The following PTPRG variants were observed in gnomAD, a reference collection of about 807,000 sequenced individuals.
PTPRG encodes protein tyrosine phosphatase receptor type G.
Under a neutral mutation model 165.3 loss-of-function variants are expected in PTPRG, and 102 were observed. That is an observed-to-expected ratio of 0.62 (90% CI 0.53 to 0.73). PTPRG has a LOEUF of 0.73. Ranked by LOEUF, PTPRG falls within the 30% of genes least tolerant of loss-of-function variation. The pLI, the probability that PTPRG is intolerant of heterozygous loss-of-function variation, is 0.00. For missense variants in PTPRG, 1,866 were observed against 1,861.4 expected, an observed-to-expected ratio of 1.00 and a Z score of -0.05; for synonymous variants, 675 against 669.5, an observed-to-expected ratio of 1.01 and a Z score of -0.13.
chr3:62,278,553 A>C (rs116356398), intron 26 of PTPRG, among the ~76,000 whole-genome samples: 3 of 152,074 alleles, frequency 2.0e-5, no homozygotes, highest in African/African-American at 7.2e-5. Flanking sequence ...AAAAACAAAA[A>C]ACAGTGAGGA....
chr3:62,248,626 C>A (rs966661825), intron 15 of PTPRG, among the ~76,000 whole-genome samples: 12 of 152,090 alleles, frequency 7.9e-5, no homozygotes, highest in African/African-American at 2.7e-4. Flanking sequence ...TTATATTATT[C>A]TTTTAGGCTT....
rs2106789499 is a variant in PTPRG, at chr3:62,186,042, A to G, written c.1034-5427A>G. On this transcript the variant is annotated intron_variant, in intron 8 of 29. Transcript: ENST00000474889. ...AAGGGTTTCCATCACTTAAAGAGCA[A>G]GCAGAACTTTGGAAGCACAAGGCAC... Among the ~76,000 whole-genome samples, 3 of 152,276 alleles carry G rather than the reference A, an allele frequency of 2.0e-5. No individual in the cohort carries two copies. In the South Asian group the frequency reaches 6.2e-4, roughly 32 times the overall value.
chr3:61,939,664 C>T (rs1173388088), intron 2 of PTPRG, among the ~76,000 whole-genome samples: 1 of 152,130 alleles, frequency 6.6e-6, no homozygotes, highest in African/African-American at 2.4e-5. Context: ...TATTCTCCTG[C>T]ATTGATCCAA....
At chr3:62,138,578 A>G (rs1703802741) in intron 6 of PTPRG, among the ~76,000 whole-genome samples, 1 of 151,980 alleles carries the variant, frequency 6.6e-6, no homozygotes, top group Non-Finnish European at 1.5e-5. Flanking sequence ...AATTAGCCAG[A>G]CATGGTGGCA....
intron 5 of PTPRG, among the ~76,000 whole-genome samples, chr3:62,113,277 G>A (rs969356346): frequency 6.6e-6 from 1 of 152,158 alleles, no homozygotes; most frequent in Non-Finnish European, 1.5e-5. Context: ...GAGGAGTCCA[G>A]CTGTGGTTTG....
intron 1 of PTPRG, among the ~76,000 whole-genome samples, chr3:61,657,328 T>C (rs1243510702): frequency 1.3e-5 from 2 of 152,120 alleles, no homozygotes; most frequent in Non-Finnish European, 2.9e-5. Context: ...TTAAGTTTTA[T>C]AACCAGTTTC....
chr3:61,963,558 C>A (rs528137504), intron 2 of PTPRG, among the ~76,000 whole-genome samples: 5 of 152,230 alleles, frequency 3.3e-5, no homozygotes, highest in East Asian at 3.9e-4. Flanking sequence ...TAAGTACTTA[C>A]AAGATACCAA....
intron 2 of PTPRG, among the ~76,000 whole-genome samples, chr3:61,927,135 A>G (rs891165850): frequency 2.0e-5 from 3 of 152,140 alleles, no homozygotes; most frequent in African/African-American, 4.8e-5. Flanking sequence ...ATCCGCTTCT[A>G]TTTTTGTTCT....
chr3:61,784,109 A>G (rs2034622663), intron 2 of PTPRG, among the ~76,000 whole-genome samples: 2 of 152,176 alleles, frequency 1.3e-5, no homozygotes, highest in South Asian at 2.1e-4. Flanking sequence ...GGAATGGTGA[A>G]AACTACACTG....
intron 1 of PTPRG, among the ~76,000 whole-genome samples, chr3:61,590,996 G>A (rs1018833832): frequency 5.3e-5 from 8 of 152,148 alleles, no homozygotes; most frequent in Admixed American, 5.2e-4. Flanking sequence ...TGTAATCCCA[G>A]CTATTTGAGA....
chr3:62,049,254 A>G (rs1700396260), intron 4 of PTPRG, among the ~76,000 whole-genome samples: 1 of 152,188 alleles, frequency 6.6e-6, no homozygotes, highest in South Asian at 2.1e-4. Flanking sequence ...CACTGTTTTA[A>G]GGTTATACCA....
At chr3:61,780,219 A>G (rs1025353383) in intron 2 of PTPRG, among the ~76,000 whole-genome samples, 2 of 152,218 alleles carry the variant, frequency 1.3e-5, no homozygotes, top group African/African-American at 4.8e-5. Flanking sequence ...GAAATTAGTC[A>G]TTTAATCAGC....
chr3:62,249,941 T>A (rs187393141), intron 15 of PTPRG, among the ~76,000 whole-genome samples: 1 of 152,322 alleles, frequency 6.6e-6, no homozygotes, highest in African/African-American at 2.4e-5. Flanking sequence ...AGCTTCTTGG[T>A]CCCTGTTAGG....
chr3:62,064,386 A>G (rs1380235939), intron 4 of PTPRG, among the ~76,000 whole-genome samples: 1 of 152,108 alleles, frequency 6.6e-6, no homozygotes, highest in Non-Finnish European at 1.5e-5. Context: ...TTATTTTGCA[A>G]GTTGATTTTC....
In PTPRG at chr3:62,074,180, A is replaced by T. The variant is rs57302952; in HGVS notation, c.520-3983A>T. Among the ~76,000 whole-genome samples, 1,384 of 143,686 alleles carry T rather than the reference A, an allele frequency of 9.6e-3. 15 individuals carry two copies. The highest frequency in any genetic ancestry group is 0.027 in the African/African-American group (1,027 of 38,154). 94.3% of individuals were successfully genotyped at this position (143,686 alleles called of 152,430 possible). ...CAGATGATTGAGGAAAAAAAGTGAG[A>T]GTGTGTGTGTGTGTGTGTGTGTGTG... is the stretch of plus-strand genomic sequence containing the variant. On this transcript the variant is annotated intron_variant, in intron 4 of 29. Transcript: ENST00000474889.
At chr3:61,829,773 G>C (rs1392495413) in intron 2 of PTPRG, among the ~76,000 whole-genome samples, 4 of 152,100 alleles carry the variant, frequency 2.6e-5, no homozygotes, top group African/African-American at 9.7e-5. Context: ...CTTCAAGTGA[G>C]AGTCATACAG....
intron 2 of PTPRG, among the ~76,000 whole-genome samples, chr3:61,957,034 TATCACTAA>T (rs1328706073): frequency 6.6e-6 from 1 of 152,228 alleles, no homozygotes; most frequent in Non-Finnish European, 1.5e-5. Flanking sequence ...CTTTCCCTTG[TATCACTAA>T]ATCACTACAG....
chr3:61,663,060 G>C (rs1017266410), intron 1 of PTPRG, among the ~76,000 whole-genome samples: 8 of 152,182 alleles, frequency 5.3e-5, no homozygotes, highest in Admixed American at 2.6e-4. Context: ...GAAGTGGGTG[G>C]ATCACTTGAG....
At chr3:61,667,245 A>G (rs1420710666) in intron 1 of PTPRG, among the ~76,000 whole-genome samples, 1 of 152,198 alleles carries the variant, frequency 6.6e-6, no homozygotes, top group East Asian at 1.9e-4. Context: ...TGGATTGCAT[A>G]GCTTATGGAT....
Sources: allele counts gnomAD v4.1 joint callset (sites outside exome capture counted in the v4.1 genomes callset), GRCh38; gene constraint gnomAD v4.1.1; transcripts MANE v1.5; gene names NCBI Gene and HGNC (gene_info 2026-07-23, HGNC 2026-07-21).